Variants in SYTL3 observed in about 807,000 individuals in gnomAD.
SYTL3 encodes synaptotagmin like 3, also known as synaptotagmin-like protein 3.
A neutral mutation model predicts 82.1 loss-of-function variants in SYTL3; 88 were observed. The ratio of observed to expected loss-of-function variants is 1.07; its 90% confidence interval spans 0.90 to 1.28. The LOEUF (loss-of-function observed/expected upper bound fraction) is 1.28. Ranked by LOEUF, SYTL3 falls within the 50% of genes most tolerant of loss-of-function variation. The pLI is 0.00. For missense variants in SYTL3, 831 were observed against 757.6 expected (o/e 1.10, Z -1.14); for synonymous variants, 311 against 289.4 (o/e 1.07, Z -0.76).
At chr6:158,707,330 G>T in intron 7 of SYTL3, 49 bp downstream of exon 7, 1 of 1,566,834 alleles carries the variant, frequency 6.4e-7, no homozygotes, top group Non-Finnish European at 8.8e-7. Flanking sequence ...GGGCAGGAGC[G>T]CAGAGGACAC....
chr6:158,707,159 C>A (rs774518207), intron 6 of SYTL3, 71 bp from the exon 7 acceptor site: 157 of 1,426,018 alleles, frequency 1.1e-4, no homozygotes, highest in Non-Finnish European at 1.4e-4. Flanking sequence ...TTTTAATCTA[C>A]TATTTCCTGT....
chr6:158,677,729 AAGAC>A (rs1235761815), intron 5 of SYTL3, among the ~76,000 whole-genome samples: 3 of 136,998 alleles, frequency 2.2e-5, no homozygotes, highest in Non-Finnish European at 4.5e-5. Context: ...AAAAAAAAAA[AAGAC>A]TATTTGAAAT....
chr6:158,698,451 A>G (rs188255379), intron 6 of SYTL3, among the ~76,000 whole-genome samples: 2 of 150,956 alleles, frequency 1.3e-5, no homozygotes, highest in East Asian at 3.9e-4. Flanking sequence ...TTGTGACTGG[A>G]TATCATGATT....
intron 6 of SYTL3, among the ~76,000 whole-genome samples, chr6:158,688,782 T>C (rs1583239810): frequency 6.6e-6 from 1 of 152,340 alleles, no homozygotes; most frequent in South Asian, 2.1e-4. Context: ...TGTGGATATA[T>C]GTGTGTGTAT....
chr6:158,699,050 A>G (rs1780869807), intron 6 of SYTL3, among the ~76,000 whole-genome samples: 2 of 152,192 alleles, frequency 1.3e-5, no homozygotes, highest in African/African-American at 2.4e-5. Context: ...GTGGGTGTGC[A>G]TGACCTTCTG....
chr6:158,706,984 C>T (rs6917869), intron 6 of SYTL3, among the ~76,000 whole-genome samples: 31,961 of 152,028 alleles, frequency 0.21, 3,613 homozygotes, highest in Non-Finnish European at 0.25. Flanking sequence ...TAGGAGAGTA[C>T]AATTTCCATA....
intron 6 of SYTL3, among the ~76,000 whole-genome samples, chr6:158,688,992 A>G (rs768366714): frequency 3.9e-4 from 60 of 152,386 alleles, no homozygotes; most frequent in Non-Finnish European, 7.5e-4. Context: ...TTCAGTGTCC[A>G]TAAATATCAT....
intron 5 of SYTL3, among the ~76,000 whole-genome samples, chr6:158,670,952 A>G (rs899623858): frequency 3.3e-5 from 5 of 151,252 alleles, no homozygotes; most frequent in Non-Finnish European, 7.4e-5. Flanking sequence ...ACAGGCGCCC[A>G]CCACCAAGCC....
At chr6:158,687,576 A>T (rs914256967) in intron 6 of SYTL3, among the ~76,000 whole-genome samples, 9 of 152,130 alleles carry the variant, frequency 5.9e-5, no homozygotes, top group African/African-American at 1.7e-4. Flanking sequence ...GAGAATGGCG[A>T]CACCTCTCAC....
rs1790262392 is a variant in SYTL3 at position 158,763,350 on chromosome 6, G to T, written c.1564G>T (p.Val522Phe). The T allele has an allele frequency of 6.2e-7, 1 of 1,614,226 alleles. No homozygotes were observed. The highest frequency in any genetic ancestry group is 1.6e-4 in the Middle Eastern group (1 of 6,062). The change falls in exon 17 of 18, where the codon GTC (valine) becomes TTC (phenylalanine). Residue 522 changes from valine (V) to phenylalanine (F), a missense_variant. By Grantham distance (50) the Val-to-Phe change is conservative. Coordinates refer to ENST00000611299, the MANE Select transcript of SYTL3 (RefSeq NM_001242394.2). ...ACAAAAACTGAGACTGAAGTCGCCAGTCCTGAGGAAGCAGGCTTGCCCCCA... is the reference window on the plus strand; with the variant it reads ...ACAAAAACTGAGACTGAAGTCGCCATTCCTGAGGAAGCAGGCTTGCCCCCA... ...DQQKLRLKSP[V>F]LRKQACPQWK...
chr6:158,755,730 G>T (rs142742000), intron 13 of SYTL3, among the ~76,000 whole-genome samples: 4 of 152,166 alleles, frequency 2.6e-5, no homozygotes, highest in African/African-American at 9.7e-5. Flanking sequence ...CAAACAAACC[G>T]CACAGCTGCT....
chr6:158,647,543 T>A (rs1019983817), upstream of SYTL3, among the ~76,000 whole-genome samples: 1 of 152,254 alleles, frequency 6.6e-6, no homozygotes, highest in Admixed American at 6.5e-5. Context: ...GCTTATGTGA[T>A]GTTGTAGTGC....
chr6:158,761,329 G>A (rs1372359686), intron 15 of SYTL3, among the ~76,000 whole-genome samples: 2 of 97,152 alleles, frequency 2.1e-5, no homozygotes, highest in East Asian at 4.9e-4. Context: ...TTGAGACAGA[G>A]TTTTGCTCTG....
At chr6:158,748,119 C>T (rs1490296746) in intron 12 of SYTL3, among the ~76,000 whole-genome samples, 4 of 148,498 alleles carry the variant, frequency 2.7e-5, no homozygotes, top group Admixed American at 6.7e-5. Flanking sequence ...ACATTACAAG[C>T]GGAATTGATT....
At chr6:158,650,733 A>G (rs538061861) in intron 1 of SYTL3, among the ~76,000 whole-genome samples, 14 of 151,856 alleles carry the variant, frequency 9.2e-5, no homozygotes, top group African/African-American at 3.1e-4. Flanking sequence ...CCTTGAGATC[A>G]GGAATTTGAG....
At chr6:158,682,354 A>ATTT (rs1300131748) in intron 5 of SYTL3, among the ~76,000 whole-genome samples, 2 of 104,082 alleles carry the variant, frequency 1.9e-5, no homozygotes, top group Admixed American at 9.0e-5. Flanking sequence ...CTTAACATTC[A>ATTT]CTTTTTTTTT....
chr6:158,715,643 CCCCACCA>C (rs1783318343), intron 9 of SYTL3, among the ~76,000 whole-genome samples: 2 of 63,482 alleles, frequency 3.2e-5, no homozygotes, highest in Admixed American at 2.9e-4. Context: ...CCCCATACCC[CCCCACCA>C]CCCCCACCCC....
At chr6:158,689,780 A>G (rs1340707158) in intron 6 of SYTL3, among the ~76,000 whole-genome samples, 2 of 151,914 alleles carry the variant, frequency 1.3e-5, no homozygotes, top group South Asian at 2.1e-4. Context: ...CAGCCTCCCA[A>G]GTAGCTGGGA....
At chr6:158,726,204 A>T (rs984697026) in intron 11 of SYTL3, 31 of 435,348 alleles carry the variant, frequency 7.1e-5, no homozygotes, top group African/African-American at 6.4e-4. Flanking sequence ...AGCAAAGCTG[A>T]ATATCCCTAC....
Sources: allele counts gnomAD v4.1 joint callset (sites outside exome capture counted in the v4.1 genomes callset), GRCh38; gene constraint gnomAD v4.1.1; transcripts MANE v1.5; gene names NCBI Gene and HGNC (gene_info 2026-07-23, HGNC 2026-07-21).